The following DDX60 variants were observed in gnomAD, a reference collection of about 807,000 sequenced individuals.
DDX60 encodes DExD/H-box helicase 60.
A neutral mutation model predicts 212.8 loss-of-function variants in DDX60; 165 were observed. The observed-to-expected ratio is 0.78, with a 90% CI of 0.68 to 0.88. The LOEUF is 0.88. Ranked by LOEUF, DDX60 falls within the 40% of genes least tolerant of loss-of-function variation. DDX60 has a pLI of 0.00. For synonymous variants in DDX60, 703 were observed against 685.3 expected, an observed-to-expected ratio of 1.03 and a Z score of -0.40; for missense variants, 1,905 against 2,003.9, an observed-to-expected ratio of 0.95 and a Z score of 0.94.
At chr4:168,262,937 T>A in intron 22 of DDX60, 150 bp from the exon 23 acceptor site, 1 of 431,112 alleles carries the variant, frequency 2.3e-6, no homozygotes. Context: ...CCAAATTCTA[T>A]CAACACAGTT....
intron 33 of DDX60, among the ~76,000 whole-genome samples, chr4:168,227,175 A>T (rs1733286388): frequency 6.6e-6 from 1 of 151,392 alleles, no homozygotes; most frequent in African/African-American, 2.4e-5. Context: ...TTCACCAGTG[A>T]AGCCATCTGA....
intron 2 of DDX60, 56 bp from the exon 3 acceptor site, chr4:168,311,123 T>A: frequency 7.1e-7 from 1 of 1,416,976 alleles, no homozygotes; most frequent in Non-Finnish European, 9.9e-7. Flanking sequence ...TTGGTCCTTT[T>A]TACAGGAGCT....
At position 168,216,767 on chromosome 4, in the gene DDX60, T is replaced by G. The variant is rs939389179; in HGVS notation, c.*166A>C. ...AGTATTCATGACAGAACATGGCAGG[T>G]TTGATTGCAACTCTGTTTGATTCCA... On this transcript the variant is annotated 3_prime_UTR_variant, in exon 38 of 38. Coordinates refer to ENST00000393743, the MANE Select transcript of DDX60 (RefSeq NM_017631.6). 9.7e-5 allele frequency: 50 copies of G among 513,242 alleles called. No individual in the cohort carries two copies. The allele number at this position is 513,242 out of a possible 1,614,324, so 31.8% of individuals were successfully genotyped here.
At chr4:168,242,570 G>A (rs116397923) in intron 30 of DDX60, among the ~76,000 whole-genome samples, 4,693 of 152,240 alleles carry the variant, frequency 0.031, 226 homozygotes, top group African/African-American at 0.11. Flanking sequence ...GACTTGCATG[G>A]GGCCTGTGGT....
Position 168,311,145 on chromosome 4 carries a change from A to T in DDX60, c.5-78T>A, listed in dbSNP as rs1737116707. 2.1e-6 allele frequency: 3 copies of T among 1,430,138 alleles called. No homozygotes were observed. The South Asian group carries it at 3.6e-5, about 17-fold the overall frequency. 88.6% of individuals were successfully genotyped at this position (1,430,138 alleles called of 1,614,324 possible). A position where few individuals can be genotyped will look rare whatever the true frequency, so the allele number is the denominator to read the frequency against. On this transcript the variant is annotated intron_variant, in intron 2 of 37. Coordinates refer to ENST00000393743, the MANE Select transcript of DDX60 (RefSeq NM_017631.6). ...TTTTTACAGGAGCTATCATTTAGTT[A>T]TTATTCAAGAAAGTAAAACAGTAAT...
At position 168,297,254 on chromosome 4, in the gene DDX60, G is replaced by C. The variant is rs533079720; in HGVS notation, c.724-3309C>G. On this transcript the variant is annotated intron_variant, in intron 6 of 37. Coordinates refer to ENST00000393743, the MANE Select transcript of DDX60 (RefSeq NM_017631.6). ...CAACTGATAAACCAAAAACAGGGCT[G>C]GAAAGAAAGAAAGAAAAAGAAAGAA... 2.1e-5 allele frequency among the ~76,000 whole-genome samples: 3 copies of C among 141,356 alleles called. No individual in the cohort carries two copies. The East Asian group carries it at 6.2e-4, about 29-fold the overall frequency. The allele number at this position is 141,356 out of a possible 152,430, so 92.7% of individuals were successfully genotyped here.
intron 5 of DDX60, among the ~76,000 whole-genome samples, chr4:168,303,281 G>A (rs185183215): frequency 5.4e-4 from 77 of 143,924 alleles, no homozygotes; most frequent in African/African-American, 1.9e-3. Context: ...CAGCCTGGGC[G>A]ACAGAGCGAG....
intron 27 of DDX60, among the ~76,000 whole-genome samples, chr4:168,252,236 A>T (rs1471618630): frequency 2.6e-5 from 4 of 152,190 alleles, no homozygotes; most frequent in African/African-American, 9.6e-5. Flanking sequence ...CAATTGCTAA[A>T]TCTGTTGCAC....
In DDX60 at chr4:168,216,991, A is replaced by T; in HGVS notation, c.5081T>A (p.Val1694Asp). The change falls in exon 38 of 38, where the codon GTT (valine) becomes GAT (aspartate). Residue 1694 changes from valine to aspartate, a missense_variant. Physicochemically the swap from Val to Asp is radical, Grantham distance 152 (BLOSUM62 -3). Coordinates refer to ENST00000393743, the MANE Select transcript of DDX60 (RefSeq NM_017631.6). ...ACTCAGTTGTTCAAAGGCTAAGACAACGTTGTCGTCTTCATTTTCACATAG... is the reference window on the plus strand; with the variant it reads ...ACTCAGTTGTTCAAAGGCTAAGACATCGTTGTCGTCTTCATTTTCACATAG... ...RELCENEDDNVVLAFEQLSTT... is the reference protein window; with the variant it reads ...RELCENEDDNDVLAFEQLSTT... 6.2e-7 allele frequency: 1 copy of T among 1,605,658 alleles called. No individual in the cohort carries two copies.
intron 24 of DDX60, among the ~76,000 whole-genome samples, 155 bp from the exon 25 acceptor site, chr4:168,261,144 C>T (rs1734609139): frequency 6.6e-6 from 1 of 151,838 alleles, no homozygotes; most frequent in East Asian, 1.9e-4. Context: ...GGCAAAGAAC[C>T]ATCAAAGAAA....
rs191350610 is a variant in DDX60 at position 168,308,353 on chromosome 4, C to T, written c.75-158G>A. ...CACTAAGGCTTTTCAAACATATCTA[C>T]ATTCACAACTATCCTTCACAGGAGG... is the stretch of plus-strand genomic sequence containing the variant. On this transcript the variant is annotated intron_variant, in intron 3 of 37. Transcript: ENST00000393743. Among the ~76,000 whole-genome samples, 72 of 152,294 alleles carry T rather than the reference C, an allele frequency of 4.7e-4. 1 individual carries two copies. Among genetic ancestry groups the T allele is most frequent in the Non-Finnish European group, 1.3e-4 (9 of 68,016 alleles).
chr4:168,306,326 C>T, intron 5 of DDX60, 53 bp downstream of exon 5: 1 of 1,419,934 alleles, frequency 7.0e-7, no homozygotes, highest in South Asian at 1.4e-5. Context: ...AGTCAAGTAA[C>T]TTAGAACATT....
chr4:168,303,085 G>A (rs988558554), intron 5 of DDX60, among the ~76,000 whole-genome samples: 5 of 151,924 alleles, frequency 3.3e-5, no homozygotes, highest in African/African-American at 1.2e-4. Context: ...GGCAGATCAC[G>A]AGGTCAGGAG....
intron 25 of DDX60, 83 bp from the exon 26 acceptor site, chr4:168,255,952 C>A (rs530455706): frequency 6.5e-6 from 9 of 1,384,740 alleles, no homozygotes; most frequent in Non-Finnish European, 8.6e-6. Flanking sequence ...ACTATCATCC[C>A]GACATCTGCC....
Position 168,252,489 on chromosome 4 carries a change from A to G in DDX60, c.3705+20T>C. On this transcript the variant is annotated intron_variant, in intron 27 of 37. Transcript: ENST00000393743. ...GACAAATGAAATAGTTTGGAGAACGATCAGGTTGTAAGTGCTGACCTCAGT... is the reference window on the plus strand; with the variant it reads ...GACAAATGAAATAGTTTGGAGAACGGTCAGGTTGTAAGTGCTGACCTCAGT... 1 of 1,612,210 alleles carries G rather than the reference A, an allele frequency of 6.2e-7. No individual in the cohort carries two copies. Among genetic ancestry groups the G allele is most frequent in the Non-Finnish European group, 8.5e-7 (1 of 1,179,516 alleles).
chr4:168,319,883 T>C (rs1737561454), upstream of DDX60, among the ~76,000 whole-genome samples: 1 of 152,138 alleles, frequency 6.6e-6, no homozygotes, highest in African/African-American at 2.4e-5. Flanking sequence ...TGATACTTTG[T>C]CTTGTGAAAA....
At position 168,275,402 on chromosome 4, in the gene DDX60, T is replaced by C. The variant is rs1560848149; in HGVS notation, c.2247A>G (p.Arg749=). The C allele has an allele frequency of 1.2e-6, 2 of 1,613,196 alleles. No individual in the cohort carries two copies. Among genetic ancestry groups the C allele is most frequent in the Non-Finnish European group, 1.7e-6 (2 of 1,179,560 alleles). Residue 749 remains arginine, a synonymous_variant, in exon 16 of 38, where the codon CGA becomes CGG. Coordinates refer to ENST00000393743, the MANE Select transcript of DDX60 (RefSeq NM_017631.6). ...QLQYMGHYLI[R]DERKDPDPRV... ...TGGGATCTGGGTCTTTTCTCTCATC[T>C]CGTATCAAATAATGGCCCATGTATT...
chr4:168,306,790 C>A, intron 4 of DDX60, 70 bp from the exon 5 acceptor site: 2 of 1,161,706 alleles, frequency 1.7e-6, no homozygotes, highest in Non-Finnish European at 2.5e-6. Context: ...GCTAACACAT[C>A]ATTAAAGGCA....
intron 33 of DDX60, chr4:168,235,968 T>C (rs1487178622): frequency 3.2e-6 from 1 of 313,192 alleles, no homozygotes; most frequent in East Asian, 9.0e-5. Flanking sequence ...TTAGCATATC[T>C]TTTCTTTAGT....
Sources: gnomAD v4.1 joint callset for allele counts (sites outside exome capture counted in the v4.1 genomes callset) on GRCh38, gnomAD v4.1.1 for gene constraint, MANE v1.5 for transcripts, NCBI Gene and HGNC (gene_info 2026-07-23, HGNC 2026-07-21) for gene names.